Variants in PCBP3 observed in about 807,000 individuals in gnomAD.
PCBP3 encodes the protein poly(rC)-binding protein 3.
Under a neutral mutation model 52.7 loss-of-function variants are expected in PCBP3, and 25 were observed. The observed-to-expected ratio is 0.47, with a 90% CI of 0.35 to 0.66. PCBP3 has a LOEUF of 0.66. Ranked by LOEUF, PCBP3 falls within the 30% of genes least tolerant of loss-of-function variation. PCBP3 has a pLI of 0.01. For synonymous variants in PCBP3, 162 were observed against 183.0 expected, an observed-to-expected ratio of 0.89 and a Z score of 0.93; for missense variants, 391 against 490.3, an observed-to-expected ratio of 0.80 and a Z score of 1.91.
intron 2 of PCBP3, among the ~76,000 whole-genome samples, chr21:45,726,170 C>T (rs944651256): frequency 5.3e-5 from 8 of 152,100 alleles, no homozygotes; most frequent in East Asian, 3.9e-4. Context: ...GGCAGGATGA[C>T]GTGGGGAGGG....
At chr21:45,763,712 C>T (rs1048577622) in intron 4 of PCBP3, 3 of 152,362 alleles carry the variant, frequency 2.0e-5, no homozygotes, top group South Asian at 4.1e-4. Context: ...GCGGGTCTCC[C>T]GTGCTGCTCG....
chr21:45,790,336 C>T (rs547582356), intron 4 of PCBP3, among the ~76,000 whole-genome samples: 4 of 152,132 alleles, frequency 2.6e-5, no homozygotes, highest in South Asian at 2.1e-4. Flanking sequence ...GAGGTGACTG[C>T]GGGGCTCTAG....
intron 16 of PCBP3, among the ~76,000 whole-genome samples, chr21:45,938,948 G>A (rs1043991587): frequency 3.3e-5 from 5 of 152,224 alleles, no homozygotes; most frequent in Non-Finnish European, 5.9e-5. Flanking sequence ...GCAAGTGGAC[G>A]TCCCTCCTGC....
At chr21:45,894,073 C>T (rs374921908) in intron 5 of PCBP3, 32 of 978,824 alleles carry the variant, frequency 3.3e-5, no homozygotes, top group African/African-American at 1.2e-4. Flanking sequence ...CCTGGCCTTC[C>T]GAGTGGTCTG....
intron 3 of PCBP3, among the ~76,000 whole-genome samples, chr21:45,755,068 C>T (rs2087900931): frequency 6.6e-6 from 1 of 152,128 alleles, no homozygotes; most frequent in African/African-American, 2.4e-5. Flanking sequence ...TATTAGCTAT[C>T]AACACAATCA....
At position 45,866,268 on chromosome 21, in the gene PCBP3, C is replaced by T. The variant is rs2148530683; in HGVS notation, c.10+16173C>T. Among the ~76,000 whole-genome samples the T allele has an allele frequency of 2.0e-5, 3 of 152,336 alleles. No individual in the cohort carries two copies. The Middle Eastern group carries it at 0.01, about 518-fold the overall frequency. On this transcript the variant is annotated intron_variant, in intron 5 of 17. Coordinates refer to ENST00000681687, the MANE Select transcript of PCBP3 (RefSeq NM_001384156.1). ...CTTGCACCCAGGGCCAGGGGCACAG[C>T]CTGTGCTGTTCAGTGAGCCATCAGG...
At chr21:45,910,705 G>A (rs532595445) in intron 10 of PCBP3, among the ~76,000 whole-genome samples, 197 bp from the exon 11 acceptor site, 2 of 152,122 alleles carry the variant, frequency 1.3e-5, no homozygotes, top group Non-Finnish European at 2.9e-5. Context: ...GGAAGGCACA[G>A]GGCCGGGTGC....
chr21:45,843,720 G>A (rs2093746114), intron 4 of PCBP3, among the ~76,000 whole-genome samples: 2 of 152,164 alleles, frequency 1.3e-5, no homozygotes, highest in African/African-American at 4.8e-5. Context: ...TACTGAGTAG[G>A]AGATATGTTC....
At chr21:45,920,822 A>C (rs762293854) in intron 13 of PCBP3, among the ~76,000 whole-genome samples, 8 of 152,188 alleles carry the variant, frequency 5.3e-5, no homozygotes, top group Non-Finnish European at 1.0e-4. Context: ...ACCAGCCAGC[A>C]CTTTGATCTC....
intron 4 of PCBP3, chr21:45,760,239 T>A (rs2146546459): frequency 6.6e-6 from 1 of 152,310 alleles, no homozygotes; most frequent in East Asian, 1.9e-4. Flanking sequence ...CTCATAGGCA[T>A]GATCACAGTG....
chr21:45,731,201 A>G (rs771815744), intron 2 of PCBP3, among the ~76,000 whole-genome samples: 7 of 152,134 alleles, frequency 4.6e-5, no homozygotes, highest in African/African-American at 7.2e-5. Flanking sequence ...GGTGGGTTCA[A>G]TTGCTTGGCC....
chr21:45,654,310 A>G (rs28692915), intron 1 of PCBP3, among the ~76,000 whole-genome samples: 1 of 141,416 alleles, frequency 7.1e-6, no homozygotes, highest in South Asian at 2.3e-4. Context: ...AAATTCCTTT[A>G]TTGCAGGTCA....
chr21:45,692,215 G>A (rs542136085), intron 2 of PCBP3, among the ~76,000 whole-genome samples: 2 of 152,170 alleles, frequency 1.3e-5, no homozygotes, highest in African/African-American at 4.8e-5. Context: ...TCTAAACAGA[G>A]ACCTTAGGTT....
chr21:45,648,983 G>A lies in PCBP3; in HGVS notation c.-279+5115G>A, dbSNP rs575258933. ...ATCAATATTTTCCTTACAGTTTATG[G>A]TGATTGAGTCTGATTTAAGAAATCT... On this transcript the variant is annotated intron_variant, in intron 1 of 17. Coordinates refer to ENST00000681687, the MANE Select transcript of PCBP3 (RefSeq NM_001384156.1). 3.7e-4 allele frequency among the ~76,000 whole-genome samples: 56 copies of A among 152,238 alleles called. No individual in the cohort carries two copies. The South Asian group carries it at 0.011, about 31-fold the overall frequency.
rs796682405 is a variant in PCBP3, at chr21:45,737,269, G to A, written c.-162+1840G>A. Among the ~76,000 whole-genome samples the A allele has an allele frequency of 5.9e-5, 9 of 152,306 alleles. No homozygotes were observed. The highest frequency in any genetic ancestry group is 1.9e-4 in the African/African-American group (8 of 41,560). On this transcript the variant is annotated intron_variant, in intron 3 of 17. Coordinates refer to ENST00000681687, the MANE Select transcript of PCBP3 (RefSeq NM_001384156.1). The surrounding 1 kb of genome is among the most constrained non-coding windows in gnomAD (Gnocchi z 4.9). ...CAGGGAGCCAGCCAGTCTCTTCTCT[G>A]TGCTAGGTTATTGTTGTGGCTTTAG...
intron 16 of PCBP3, chr21:45,935,629 TGAA>T: frequency 2.2e-6 from 1 of 445,516 alleles, no homozygotes; most frequent in South Asian, 1.9e-5. Context: ...GGCCAAACCT[TGAA>T]GAACAAGGTG....
At chr21:45,758,057 T>G (rs1406669163) in intron 4 of PCBP3, among the ~76,000 whole-genome samples, 1 of 152,088 alleles carries the variant, frequency 6.6e-6, no homozygotes, top group Non-Finnish European at 1.5e-5. Flanking sequence ...CCCAGCTAAT[T>G]TTTTGTATTT....
At chr21:45,831,402 C>A (rs2093443627) in intron 4 of PCBP3, among the ~76,000 whole-genome samples, 1 of 119,346 alleles carries the variant, frequency 8.4e-6, no homozygotes. Context: ...GAGTTAGATG[C>A]TGTCTCAAAA....
At chr21:45,826,752 A>G (rs2093319332) in intron 4 of PCBP3, among the ~76,000 whole-genome samples, 1 of 152,236 alleles carries the variant, frequency 6.6e-6, no homozygotes, top group Non-Finnish European at 1.5e-5. Context: ...TGGAAACGCC[A>G]GTGGGTACAG....
Sources: allele counts gnomAD v4.1 joint callset (sites outside exome capture counted in the v4.1 genomes callset), GRCh38; gene constraint gnomAD v4.1.1; non-coding constraint Gnocchi (gnomAD v3.1); transcripts MANE v1.5; gene names NCBI Gene and HGNC (gene_info 2026-07-23, HGNC 2026-07-21).